IQGAP3: variants seen among roughly 807,000 people sequenced by gnomAD.
IQGAP3 encodes the protein IQ motif containing GTPase activating protein 3, also known as ras GTPase-activating-like protein IQGAP3.
Under a neutral mutation model 208.2 loss-of-function variants are expected in IQGAP3, and 165 were observed. That is an observed-to-expected ratio of 0.79 (90% CI 0.70 to 0.90). The LOEUF is 0.90. Among genes scored for constraint, IQGAP3 ranks in the 40% least tolerant of loss-of-function variants. The pLI is 0.00. For missense variants in IQGAP3, 1,811 were observed against 2,043.1 expected, an observed-to-expected ratio of 0.89 and a Z score of 2.19; for synonymous variants, 703 against 803.6, an observed-to-expected ratio of 0.87 and a Z score of 2.12.
intron 10 of IQGAP3, among the ~76,000 whole-genome samples, chr1:156,561,486 C>A (rs1252878060): frequency 6.6e-6 from 1 of 152,116 alleles, no homozygotes; most frequent in African/African-American, 2.4e-5. Context: ...CATCTTTAAT[C>A]TTTCTTGCTC....
intron 19 of IQGAP3, among the ~76,000 whole-genome samples, chr1:156,547,392 C>CACAG (rs746818521): frequency 0.024 from 1,539 of 64,136 alleles, 9 homozygotes; most frequent in South Asian, 0.032. Flanking sequence ...CACACAGACA[C>CACAG]ACACACACAC....
chr1:156,548,616 G>A lies in IQGAP3; in HGVS notation c.1958C>T (p.Ala653Val), dbSNP rs369748008. The change falls in exon 17 of 38, where the codon GCC (alanine) becomes GTC (valine). Residue 653 changes from alanine to valine, a missense_variant. Coordinates refer to ENST00000361170, the MANE Select transcript of IQGAP3 (RefSeq NM_178229.5). ...VPDCANGYQR[A>V]LESAMAKKQR... Reference sequence around the variant, plus strand: ...TTTCTTTGCCATGGCACTTTCCAGGGCTCGCTGGTAGCCGTTGGCACAGTC... The same window carrying A: ...TTTCTTTGCCATGGCACTTTCCAGGACTCGCTGGTAGCCGTTGGCACAGTC... The A allele has an allele frequency of 4.4e-6, 7 of 1,608,158 alleles. No individual in the cohort carries two copies. The African/African-American group carries it at 8.0e-5, about 18-fold the overall frequency.
intron 11 of IQGAP3, among the ~76,000 whole-genome samples, chr1:156,560,258 C>T (rs775665028): frequency 6.9e-6 from 1 of 145,352 alleles, no homozygotes; most frequent in East Asian, 1.9e-4. Context: ...TACCTGTAAT[C>T]CCCAGCACTT....
intron 12 of IQGAP3, 152 bp downstream of exon 12, chr1:156,556,381 G>A (rs1045172366): frequency 1.6e-5 from 11 of 672,856 alleles, no homozygotes; most frequent in South Asian, 3.8e-5. Context: ...ATTAAAATAC[G>A]CTCAGTAAGG....
At chr1:156,537,152 G>A (rs1370719283) in intron 27 of IQGAP3, 29 bp downstream of exon 27, 10 of 1,603,240 alleles carry the variant, frequency 6.2e-6, no homozygotes, top group Admixed American at 1.7e-5. Flanking sequence ...AATCCCATGC[G>A]TAGGCTGGGG....
intron 34 of IQGAP3, among the ~76,000 whole-genome samples, chr1:156,529,392 C>T (rs1674270364): frequency 6.6e-6 from 1 of 152,054 alleles, no homozygotes; most frequent in Non-Finnish European, 1.5e-5. Context: ...ATATGCTTCT[C>T]TCAAACCTTC....
intron 5 of IQGAP3, 98 bp from the exon 6 acceptor site, chr1:156,563,922 A>T (rs375010786): frequency 3.2e-6 from 3 of 930,404 alleles, no homozygotes; most frequent in South Asian, 3.2e-5. Context: ...GGACCTAGAG[A>T]TGAAGACCAC....
At chr1:156,565,540 T>C (rs1009785220) in intron 4 of IQGAP3, among the ~76,000 whole-genome samples, 2 of 152,236 alleles carry the variant, frequency 1.3e-5, no homozygotes. Flanking sequence ...ACACAGACCA[T>C]GTGATCTTCC....
At chr1:156,569,719 C>T (rs1331860476) in intron 1 of IQGAP3, among the ~76,000 whole-genome samples, 2 of 151,984 alleles carry the variant, frequency 1.3e-5, no homozygotes, top group Non-Finnish European at 2.9e-5. Flanking sequence ...CAGGGTTTCA[C>T]CATGTTAGCC....
chr1:156,558,014 C>T (rs1300599675), intron 11 of IQGAP3, among the ~76,000 whole-genome samples: 1 of 8,566 alleles, frequency 1.2e-4, no homozygotes, highest in African/African-American at 2.2e-4. Context: ...CCGCCCCGTC[C>T]GGGAGGGAGG....
Position 156,548,333 on chromosome 1 carries a change from AG to A in IQGAP3, c.2133+14del, listed in dbSNP as rs773536893. On this transcript the variant is annotated intron_variant, in intron 18 of 37. Coordinates refer to ENST00000361170, the MANE Select transcript of IQGAP3 (RefSeq NM_178229.5). ...CCTATCCAAGATCCCCTACCCTTGC[AG>A]GGGCTCTGCCAACCTGGATCTCCTC... 6.2e-7 allele frequency: 1 copy of A among 1,612,178 alleles called. No individual in the cohort carries two copies. Among genetic ancestry groups the A allele is most frequent in the African/African-American group, 1.3e-5 (1 of 74,800 alleles).
In IQGAP3 at chr1:156,563,546, TCCTTA is replaced by T; in HGVS notation, c.619+2_619+6del. ...CTACTCCTGGCAGGGCAGAGCCTAG[TCCTTA>T]CCTGCAGCCTCATCCACCGAGAGCT... is the stretch of plus-strand genomic sequence containing the variant. On this transcript the variant is annotated splice_donor_variant and splice_donor_5th_base_variant and intron_variant, in intron 7 of 37. Transcript: ENST00000361170. LOFTEE classifies it high-confidence loss of function. 1 of 1,609,058 alleles carries T rather than the reference TCCTTA, an allele frequency of 6.2e-7. No individual in the cohort carries two copies. The highest frequency in any genetic ancestry group is 8.5e-7 in the Non-Finnish European group (1 of 1,176,362).
rs374572830 is a variant in IQGAP3 at position 156,528,976 on chromosome 1, T to A, written c.4511A>T (p.Gln1504Leu). The change falls in exon 35 of 38, where the codon CAG (glutamine) becomes CTG (leucine). Residue 1504 changes from glutamine (Q) to leucine (L), a missense_variant. Transcript: ENST00000361170. ...LSTKTTFYEE[Q>L]GDYYSQYIRA... Reference sequence around the variant, plus strand: ...GATGTACTGGCTGTAGTAGTCACCCTGCTCCTCATAGAAGGTGGTCTTAGT... The same window carrying A: ...GATGTACTGGCTGTAGTAGTCACCCAGCTCCTCATAGAAGGTGGTCTTAGT... The A allele has an allele frequency of 1.7e-5, 27 of 1,614,242 alleles. No homozygotes were observed. In the East Asian group the frequency reaches 4.9e-4, roughly 29 times the overall value.
At chr1:156,535,273 T>C in intron 27 of IQGAP3, 26 bp from the exon 28 acceptor site, 1 of 1,505,218 alleles carries the variant, frequency 6.6e-7, no homozygotes, top group Non-Finnish European at 9.2e-7. Context: ...CAGGTGCGCG[T>C]GGCTGTGCCT....
chr1:156,566,670 G>T, intron 2 of IQGAP3, 124 bp from the exon 3 acceptor site: 1 of 889,020 alleles, frequency 1.1e-6, no homozygotes, highest in Non-Finnish European at 1.7e-6. Context: ...TCCTGTTCCT[G>T]CTCTACCTCC....
At chr1:156,560,827 C>T in intron 11 of IQGAP3, 107 bp downstream of exon 11, 1 of 731,264 alleles carries the variant, frequency 1.4e-6, no homozygotes, top group Non-Finnish European at 2.3e-6. Flanking sequence ...AGGCTGGAAA[C>T]AGCAGCAGTG....
At chr1:156,559,657 A>G (rs1490985058) in intron 11 of IQGAP3, among the ~76,000 whole-genome samples, 1 of 152,230 alleles carries the variant, frequency 6.6e-6, no homozygotes, top group Non-Finnish European at 1.5e-5. Flanking sequence ...CCGCTCATCA[A>G]CAGGTGAGAA....
chr1:156,530,976 G>A (rs1015982262), intron 33 of IQGAP3, among the ~76,000 whole-genome samples, 184 bp downstream of exon 33: 1 of 152,188 alleles, frequency 6.6e-6, no homozygotes, highest in Non-Finnish European at 1.5e-5. Context: ...GTAGCCCGAG[G>A]CTTCCCAAGG....
chr1:156,556,801 C>T (rs969923283), intron 11 of IQGAP3, 108 bp from the exon 12 acceptor site: 1 of 1,047,840 alleles, frequency 9.5e-7, no homozygotes. Context: ...AAATGGCTTT[C>T]CAACTGCTCT....
Sources: allele counts gnomAD v4.1 joint callset (sites outside exome capture counted in the v4.1 genomes callset), GRCh38; gene constraint gnomAD v4.1.1; transcripts MANE v1.5; gene names NCBI Gene and HGNC (gene_info 2026-07-23, HGNC 2026-07-21).